Variants in RPRD1B observed in about 807,000 individuals in gnomAD.
RPRD1B encodes the protein regulation of nuclear pre-mRNA domain-containing protein 1B.
Under a neutral mutation model 41.5 loss-of-function variants are expected in RPRD1B, and 11 were observed. The ratio of observed to expected loss-of-function variants is 0.27; its 90% confidence interval spans 0.17 to 0.44. RPRD1B has a LOEUF of 0.44. Among genes scored for constraint, RPRD1B ranks in the 20% least tolerant of loss-of-function variants. The probability of loss-of-function intolerance (pLI) is 1.00; values close to 1 mark genes in which losing one functional copy is unlikely to be tolerated. For missense variants in RPRD1B, 248 were observed against 389.9 expected (o/e 0.64, Z 3.06); for synonymous variants, 158 against 155.6 (o/e 1.02, Z -0.12).
chr20:38,073,356 G>A (rs900278744), intron 6 of RPRD1B, among the ~76,000 whole-genome samples: 2 of 152,146 alleles, frequency 1.3e-5, no homozygotes, highest in African/African-American at 2.4e-5. Flanking sequence ...AAAGCTGCTG[G>A]TGTTTCTCCT....
chr20:38,051,039 T>C (rs2074179930), intron 3 of RPRD1B, among the ~76,000 whole-genome samples: 1 of 152,214 alleles, frequency 6.6e-6, no homozygotes, highest in South Asian at 2.1e-4. Context: ...TTCAGGCAAC[T>C]TCATGGAGTT....
In RPRD1B at chr20:38,066,132, T is replaced by C. The variant is rs766902192; in HGVS notation, c.707T>C (p.Leu236Ser). ...AAAACAGTAGATGAAGCATGTCTGT[T>C]ACTAGCAGAATATAACGGGCGCCTG... ...LSKTVDEACL[L>S]LAEYNGRLAA... The change falls in exon 6 of 7, where the codon TTA becomes TCA. Residue 236 changes from leucine (L) to serine (S), a missense_variant. Leu to Ser is a moderately radical substitution (Grantham distance 145). Around this residue, in one of 5 missense-constraint regions of RPRD1B, gnomAD observed 93 missense variants for 167.2 expected, o/e 0.56. Transcript: ENST00000373433. 1 of 1,614,210 alleles carries C rather than the reference T, an allele frequency of 6.2e-7. No individual in the cohort carries two copies. The highest frequency in any genetic ancestry group is 8.5e-7 in the Non-Finnish European group (1 of 1,180,042).
intron 5 of RPRD1B, among the ~76,000 whole-genome samples, chr20:38,063,112 T>C (rs181479122): frequency 6.6e-6 from 1 of 152,286 alleles, no homozygotes; most frequent in Non-Finnish European, 1.5e-5. Flanking sequence ...TCCTAGCGCC[T>C]TTGTACTTGC....
At chr20:38,078,342 C>T (rs2074483780) in intron 6 of RPRD1B, among the ~76,000 whole-genome samples, 2 of 152,242 alleles carry the variant, frequency 1.3e-5, no homozygotes, top group East Asian at 1.9e-4. Context: ...ACTCTCTGCC[C>T]AGGACACACT....
chr20:38,042,715 C>T (rs2074079233), intron 2 of RPRD1B, among the ~76,000 whole-genome samples: 1 of 152,200 alleles, frequency 6.6e-6, no homozygotes, highest in South Asian at 2.1e-4. Flanking sequence ...AGCTCGTCCA[C>T]AGTAGGAGTA....
intron 6 of RPRD1B, among the ~76,000 whole-genome samples, chr20:38,074,903 AATG>A (rs1198856369): frequency 5.3e-5 from 8 of 152,232 alleles, no homozygotes; most frequent in Admixed American, 2.0e-4. Context: ...AATTAAACTG[AATG>A]ATAACTTGCA....
chr20:38,052,670 G>A (rs1206231085), intron 3 of RPRD1B, among the ~76,000 whole-genome samples: 1 of 151,532 alleles, frequency 6.6e-6, no homozygotes, highest in African/African-American at 2.4e-5. Flanking sequence ...TGAAGCAGTG[G>A]GAGTAGAGAA....
At chr20:38,064,541 T>G (rs6063999) in intron 5 of RPRD1B, among the ~76,000 whole-genome samples, 88,063 of 152,006 alleles carry the variant, frequency 0.58, 27,959 homozygotes, top group African/African-American at 0.86. Flanking sequence ...TAAAAATGAG[T>G]TATACATATT....
chr20:38,064,513 T>C (rs1281274762), intron 5 of RPRD1B, among the ~76,000 whole-genome samples: 1 of 152,220 alleles, frequency 6.6e-6, no homozygotes, highest in Non-Finnish European at 1.5e-5. Flanking sequence ...CCTACTCTTT[T>C]GATTCATTCA....
Position 38,091,321 on chromosome 20 carries a change from AT to A in RPRD1B, c.*1448del. 1.0e-6 allele frequency: 1 copy of A among 979,032 alleles called. No homozygotes were observed. Among genetic ancestry groups the A allele is most frequent in the South Asian group, 4.7e-5 (1 of 21,094 alleles). The allele number at this position is 979,032 out of a possible 1,614,324, so 60.6% of individuals were successfully genotyped here. A position where few individuals can be genotyped will look rare whatever the true frequency, so the allele number is the denominator to read the frequency against. ...ACATGTAATTTTACATGTTAAACAC[AT>A]TGAAACATAACCTATGTTTATAAAG... On this transcript the variant is annotated 3_prime_UTR_variant, in exon 7 of 7. Coordinates refer to ENST00000373433, the MANE Select transcript of RPRD1B (RefSeq NM_021215.4).
At chr20:38,065,289 T>C (rs1441382262) in intron 5 of RPRD1B, among the ~76,000 whole-genome samples, 1 of 152,142 alleles carries the variant, frequency 6.6e-6, no homozygotes, top group East Asian at 1.9e-4. Flanking sequence ...GTCATGTAGT[T>C]TTTTTTCTGG....
intron 6 of RPRD1B, among the ~76,000 whole-genome samples, chr20:38,077,176 C>G (rs1176403673): frequency 2.6e-5 from 4 of 151,986 alleles, no homozygotes; most frequent in Non-Finnish European, 5.9e-5. Context: ...CCTCAGCCTC[C>G]CAAAGCGCTG....
chr20:38,067,710 A>G (rs1398178457), intron 6 of RPRD1B, among the ~76,000 whole-genome samples: 1 of 152,362 alleles, frequency 6.6e-6, no homozygotes, highest in East Asian at 1.9e-4. Context: ...AGATTTAGAC[A>G]TCGGCACTGA....
At position 38,033,822 on chromosome 20, in the gene RPRD1B, C is replaced by A; in HGVS notation, c.-126C>A. The A allele has an allele frequency of 1.0e-6, 1 of 961,710 alleles. No homozygotes were observed. The highest frequency in any genetic ancestry group is 1.5e-6 in the Non-Finnish European group (1 of 668,392). The allele number at this position is 961,710 out of a possible 1,614,324, so 59.6% of individuals were successfully genotyped here. ...CCATCCCCTCCCCCTTCTCGCACCCCTGGCAGTCTGTCAGTCGGTAAAAAG... is the reference window on the plus strand; with the variant it reads ...CCATCCCCTCCCCCTTCTCGCACCCATGGCAGTCTGTCAGTCGGTAAAAAG... On this transcript the variant is annotated 5_prime_UTR_variant, in exon 1 of 7. In the 5' UTR this introduces an upstream ATG that the reference lacks. Transcript: ENST00000373433.
chr20:38,050,664 C>T (rs1360854366), intron 3 of RPRD1B, among the ~76,000 whole-genome samples: 2 of 152,148 alleles, frequency 1.3e-5, no homozygotes, highest in Non-Finnish European at 2.9e-5. Flanking sequence ...TAGGTTTGCA[C>T]TCTGGGAATG....
At chr20:38,051,616 T>G (rs897387029) in intron 3 of RPRD1B, among the ~76,000 whole-genome samples, 4 of 152,258 alleles carry the variant, frequency 2.6e-5, no homozygotes, top group African/African-American at 9.6e-5. Context: ...GCTGATATTC[T>G]TCACACTGTC....
intron 6 of RPRD1B, among the ~76,000 whole-genome samples, chr20:38,076,423 A>G (rs938928210): frequency 6.6e-6 from 1 of 152,212 alleles, no homozygotes; most frequent in Non-Finnish European, 1.5e-5. Flanking sequence ...TTTCCTGCCC[A>G]CATGAGAAGT....
At chr20:38,066,372 G>A in intron 6 of RPRD1B, 116 bp downstream of exon 6, 2 of 994,920 alleles carry the variant, frequency 2.0e-6, no homozygotes, top group South Asian at 1.6e-5. Context: ...AATTCATGAT[G>A]TGAATTCTGA....
intron 6 of RPRD1B, among the ~76,000 whole-genome samples, chr20:38,071,136 A>G (rs2122746640): frequency 6.6e-6 from 1 of 152,334 alleles, no homozygotes; most frequent in East Asian, 1.9e-4. Context: ...GCACACACAC[A>G]AAGATGATAT....
Sources: allele counts gnomAD v4.1 joint callset (sites outside exome capture counted in the v4.1 genomes callset), GRCh38; gene constraint gnomAD v4.1.1; regional missense constraint gnomAD v4.1.1; transcripts MANE v1.5; gene names NCBI Gene and HGNC (gene_info 2026-07-23, HGNC 2026-07-21).